SPON1: variants seen among roughly 807,000 people sequenced by gnomAD.
SPON1 encodes spondin 1.
SPON1 carries 52 observed loss-of-function variants against 111.7 expected under a neutral mutation model. The observed-to-expected ratio is 0.47, with a 90% CI of 0.37 to 0.59. The LOEUF (loss-of-function observed/expected upper bound fraction) is 0.59. Ranked by LOEUF, SPON1 falls within the 20% of genes least tolerant of loss-of-function variation. SPON1 has a pLI of 0.00. For synonymous variants in SPON1, 410 were observed against 395.8 expected (o/e 1.04, Z -0.43); for missense variants, 957 against 1,068.5 (o/e 0.90, Z 1.46).
chr11:14,206,103 T>C (rs959245851), intron 6 of SPON1, among the ~76,000 whole-genome samples: 1 of 152,198 alleles, frequency 6.6e-6, no homozygotes, highest in Non-Finnish European at 1.5e-5. Flanking sequence ...GCAATTGTAT[T>C]GCATATACAA....
intron 6 of SPON1, among the ~76,000 whole-genome samples, chr11:14,150,630 G>A (rs1847775841): frequency 1.3e-5 from 2 of 152,060 alleles, no homozygotes; most frequent in South Asian, 4.2e-4. Context: ...ATAGAAAAAT[G>A]GGGAACAAAA....
chr11:14,265,699 G>A lies in SPON1; in HGVS notation c.*12G>A, dbSNP rs1236073861. 2 of 1,612,092 alleles carry A rather than the reference G, an allele frequency of 1.2e-6. No homozygotes were observed. The highest frequency in any genetic ancestry group is 1.7e-6 in the Non-Finnish European group (2 of 1,179,072). On this transcript the variant is annotated 3_prime_UTR_variant, in exon 16 of 16. Transcript: ENST00000576479. ...TTCATCCTTGTTAGCAAGGGTACGA[G>A]TTCCCCAGGGCTGCACTCTAGATTC...
chr11:14,112,371 C>T (rs7110627), intron 5 of SPON1, among the ~76,000 whole-genome samples: 2,991 of 152,264 alleles, frequency 0.02, 100 homozygotes, highest in African/African-American at 0.068. Context: ...AAGACCATTA[C>T]ATCTAAAGCT....
At chr11:14,009,025 C>T (rs191547955) in intron 2 of SPON1, among the ~76,000 whole-genome samples, 1 of 152,278 alleles carries the variant, frequency 6.6e-6, no homozygotes, top group East Asian at 1.9e-4. Flanking sequence ...AACCTTTCTG[C>T]ATCCATTTTT....
intron 6 of SPON1, among the ~76,000 whole-genome samples, chr11:14,172,767 G>C (rs1848122085): frequency 6.6e-6 from 1 of 151,808 alleles, no homozygotes; most frequent in African/African-American, 2.4e-5. Context: ...AGTTTGGCTG[G>C]TTATGAAATT....
chr11:14,132,014 C>T (rs1847534698), intron 5 of SPON1, among the ~76,000 whole-genome samples: 1 of 152,224 alleles, frequency 6.6e-6, no homozygotes, highest in Non-Finnish European at 1.5e-5. Flanking sequence ...CGCAGTGGCT[C>T]ACGCCTGTAA....
intron 3 of SPON1, among the ~76,000 whole-genome samples, chr11:14,063,613 C>T (rs1554920104): frequency 6.6e-6 from 1 of 152,182 alleles, no homozygotes; most frequent in African/African-American, 2.4e-5. Flanking sequence ...GCTTATGCCA[C>T]ATAAGGATGA....
intron 3 of SPON1, among the ~76,000 whole-genome samples, chr11:14,054,541 A>T (rs1385000893): frequency 2.0e-5 from 3 of 150,972 alleles, no homozygotes; most frequent in Non-Finnish European, 4.4e-5. Flanking sequence ...CATCTCCTAC[A>T]TGGTCCAAAG....
At chr11:14,030,842 A>G (rs1297762374) in intron 2 of SPON1, among the ~76,000 whole-genome samples, 1 of 152,262 alleles carries the variant, frequency 6.6e-6, no homozygotes, top group African/African-American at 2.4e-5. Flanking sequence ...TGTTCCAGCA[A>G]TCCCATTACT....
intron 6 of SPON1, among the ~76,000 whole-genome samples, chr11:14,230,550 A>G (rs1848787268): frequency 1.3e-5 from 2 of 152,196 alleles, no homozygotes; most frequent in Non-Finnish European, 1.5e-5. Flanking sequence ...TACCCCTGCC[A>G]TGGCGCTCTG....
intron 7 of SPON1, among the ~76,000 whole-genome samples, chr11:14,246,575 CCA>C (rs546991672): frequency 1.1e-3 from 165 of 152,266 alleles, no homozygotes; most frequent in African/African-American, 3.8e-3. Flanking sequence ...AACAATGTGA[CCA>C]CACCAAATGG....
chr11:14,091,855 G>A (rs1419283165), intron 5 of SPON1, among the ~76,000 whole-genome samples: 2 of 152,178 alleles, frequency 1.3e-5, no homozygotes, highest in Non-Finnish European at 2.9e-5. Flanking sequence ...GAGAGCAAGC[G>A]AGGGCTCTGA....
chr11:14,176,186 T>C (rs1554933054), intron 6 of SPON1, among the ~76,000 whole-genome samples: 1 of 152,138 alleles, frequency 6.6e-6, no homozygotes, highest in Non-Finnish European at 1.5e-5. Context: ...GAGTTAGGCC[T>C]GCTGGACTTC....
intron 2 of SPON1, among the ~76,000 whole-genome samples, chr11:14,023,978 G>A (rs946434338): frequency 8.0e-5 from 12 of 150,458 alleles, no homozygotes; most frequent in South Asian, 2.1e-4. Flanking sequence ...CTCCAGCCTC[G>A]GTGACAGTGC....
intron 6 of SPON1, among the ~76,000 whole-genome samples, chr11:14,181,469 G>C (rs1848234508): frequency 6.6e-6 from 1 of 152,160 alleles, no homozygotes; most frequent in South Asian, 2.1e-4. Context: ...TCCTACAAAA[G>C]TTTTATGACA....
At chr11:14,226,708 C>G (rs974603688) in intron 6 of SPON1, among the ~76,000 whole-genome samples, 3 of 152,196 alleles carry the variant, frequency 2.0e-5, no homozygotes, top group African/African-American at 7.2e-5. Context: ...TATATCCATT[C>G]CTGTTGCTGT....
intron 2 of SPON1, among the ~76,000 whole-genome samples, chr11:14,025,279 G>T (rs60339254): frequency 5.3e-5 from 8 of 152,096 alleles, no homozygotes; most frequent in African/African-American, 1.9e-4. Flanking sequence ...TTCATGAATC[G>T]ATTTCCTCTT....
intron 2 of SPON1, among the ~76,000 whole-genome samples, chr11:14,002,175 G>A (rs1554912514): frequency 1.3e-5 from 2 of 152,146 alleles, no homozygotes; most frequent in African/African-American, 2.4e-5. Context: ...GACTTTAATA[G>A]TAATATCTTC....
chr11:13,983,190 G>A (rs567232804), intron 2 of SPON1, among the ~76,000 whole-genome samples: 25 of 152,356 alleles, frequency 1.6e-4, no homozygotes, highest in Non-Finnish European at 2.9e-4. Flanking sequence ...CTCTTCTCTG[G>A]GCCCACAGTG....
Sources: gnomAD v4.1 joint callset for allele counts (sites outside exome capture counted in the v4.1 genomes callset) on GRCh38, gnomAD v4.1.1 for gene constraint, MANE v1.5 for transcripts, NCBI Gene and HGNC (gene_info 2026-07-23, HGNC 2026-07-21) for gene names.